TENM2: variants seen among roughly 807,000 people sequenced by gnomAD.
TENM2 encodes the protein teneurin-2.
A neutral mutation model predicts 245.2 loss-of-function variants in TENM2; 52 were observed. That is an observed-to-expected ratio of 0.21 (90% confidence interval 0.17 to 0.27). The LOEUF (loss-of-function observed/expected upper bound fraction) is 0.27, where lower values mean the gene tolerates loss of function less well. TENM2 is among the 10% of genes least tolerant of loss of function. The pLI is 1.00. For missense variants in TENM2, 3,046 were observed against 3,666.8 expected (o/e 0.83, Z 4.37); for synonymous variants, 1,363 against 1,438.9 (o/e 0.95, Z 1.19).
At chr5:168,119,666 A>T (rs892357420) in intron 10 of TENM2, among the ~76,000 whole-genome samples, 1 of 152,062 alleles carries the variant, frequency 6.6e-6, no homozygotes, top group South Asian at 2.1e-4. Context: ...TGGCTTCATC[A>T]TTGTCTTCCA....
At chr5:167,725,450 C>T (rs866260405) in intron 2 of TENM2, among the ~76,000 whole-genome samples, 102 of 152,308 alleles carry the variant, frequency 6.7e-4, no homozygotes, top group Middle Eastern at 6.8e-3. Flanking sequence ...TCTCCTAGCA[C>T]TGACTTACTG....
At chr5:167,206,037 A>G in the TENM2 span, among the ~76,000 whole-genome samples, 1 of 152,214 alleles carries the variant, frequency 6.6e-6, no homozygotes, top group African/African-American at 2.4e-5. Flanking sequence ...CGGTCAAATG[A>G]TTAGTCATCT....
rs542579540 is a variant in TENM2, at chr5:168,252,537, A to T, written c.7432+4166A>T. Among the ~76,000 whole-genome samples the T allele has an allele frequency of 4.0e-5, 6 of 151,856 alleles. No homozygotes were observed. In the South Asian group the frequency reaches 1.2e-3, roughly 32 times the overall value. On this transcript the variant is annotated intron_variant, in intron 27 of 28. Transcript: ENST00000518659. ...CAGTTCTCTCTCATATTAGAACCTG[A>T]GTCCATCTCAAGACACCACTTCTTG...
chr5:168,118,144 A>T (rs1017565764), intron 9 of TENM2, 148 bp from the exon 12 acceptor site: 2 of 513,070 alleles, frequency 3.9e-6, no homozygotes, highest in Non-Finnish European at 3.4e-6. Context: ...TTTATCTGGC[A>T]ATGGTTCTGC....
intron 23 of TENM2, among the ~76,000 whole-genome samples, chr5:168,225,413 G>A (rs1228979609): frequency 6.6e-6 from 1 of 152,170 alleles, no homozygotes; most frequent in Non-Finnish European, 1.5e-5. Context: ...CTGACATGGT[G>A]AAACTGCTAT....
chr5:167,350,997 TTATATACATATGGATATATATATATGGGA>T (rs1561884155), intron 1 of TENM2, among the ~76,000 whole-genome samples: 3 of 56,146 alleles, frequency 5.3e-5, no homozygotes, highest in African/African-American at 5.1e-5. Context: ...TATATATGGA[TTATATACATATGGATATATATATATGGGA>T]TATATACATA....
chr5:168,138,890 C>T (rs1755293677), intron 12 of TENM2, among the ~76,000 whole-genome samples: 1 of 152,188 alleles, frequency 6.6e-6, no homozygotes, highest in South Asian at 2.1e-4. Flanking sequence ...GTGTGAATAT[C>T]ACCGAGGCAG....
At chr5:167,562,156 C>T (rs558867390) in intron 2 of TENM2, among the ~76,000 whole-genome samples, 10 of 152,252 alleles carry the variant, frequency 6.6e-5, no homozygotes, top group Admixed American at 1.3e-4. Flanking sequence ...TCAGCAGGAG[C>T]GTGAGGCTGC....
chr5:168,178,932 C>T (rs1020524186), intron 13 of TENM2, among the ~76,000 whole-genome samples: 2 of 152,034 alleles, frequency 1.3e-5, no homozygotes, highest in Admixed American at 1.3e-4. Context: ...ATCAGGAGTT[C>T]AAGACCAGGC....
At chr5:168,261,307 G>A (rs760412307) in intron 28 of TENM2, among the ~76,000 whole-genome samples, 15 of 152,174 alleles carry the variant, frequency 9.9e-5, no homozygotes, top group South Asian at 2.1e-4. Context: ...GAACCAGGGC[G>A]AGGATCCAAA....
At chr5:167,692,980 G>A (rs561138780) in intron 2 of TENM2, among the ~76,000 whole-genome samples, 20 of 152,296 alleles carry the variant, frequency 1.3e-4, no homozygotes, top group Admixed American at 4.6e-4. Flanking sequence ...CTGAGAGCCC[G>A]AGCTTTAGAG....
At chr5:168,123,170 G>T (rs144902827) in intron 10 of TENM2, among the ~76,000 whole-genome samples, 1 of 152,102 alleles carries the variant, frequency 6.6e-6, no homozygotes, top group Non-Finnish European at 1.5e-5. Flanking sequence ...ATGGCAATGT[G>T]TGTCCGTGGT....
the TENM2 span, among the ~76,000 whole-genome samples, chr5:167,139,116 A>G: frequency 6.6e-6 from 1 of 152,222 alleles, no homozygotes; most frequent in Non-Finnish European, 1.5e-5. Context: ...CTTGGTCACA[A>G]TTGCCACATC....
intron 2 of TENM2, among the ~76,000 whole-genome samples, chr5:167,524,395 C>A (rs1770969589): frequency 6.6e-6 from 1 of 152,046 alleles, no homozygotes; most frequent in African/African-American, 2.4e-5. Flanking sequence ...CAGTGAACAC[C>A]TAATAAGCAT....
At chr5:167,910,410 G>C (rs1241601157) in intron 3 of TENM2, among the ~76,000 whole-genome samples, 5 of 151,878 alleles carry the variant, frequency 3.3e-5, no homozygotes, top group Non-Finnish European at 7.4e-5. Context: ...TAGTATAATT[G>C]CCTCTTCAAA....
At chr5:167,878,358 T>A (rs1773596995) in intron 3 of TENM2, among the ~76,000 whole-genome samples, 1 of 152,196 alleles carries the variant, frequency 6.6e-6, no homozygotes, top group South Asian at 2.1e-4. Context: ...ACAGAAAATT[T>A]AAGGGTCCAT....
intron 2 of TENM2, among the ~76,000 whole-genome samples, chr5:167,746,572 A>G (rs1455272334): frequency 6.6e-6 from 1 of 151,986 alleles, no homozygotes; most frequent in East Asian, 1.9e-4. Context: ...GAGAGCTTCA[A>G]TTATTTAAGA....
chr5:167,536,298 C>T (rs1190584162), intron 2 of TENM2, among the ~76,000 whole-genome samples: 1 of 151,496 alleles, frequency 6.6e-6, no homozygotes, highest in African/African-American at 2.4e-5. Context: ...AAAAAAAAGA[C>T]CCAAAGGGTG....
At chr5:167,062,904 C>A in the TENM2 span, among the ~76,000 whole-genome samples, 1 of 152,130 alleles carries the variant, frequency 6.6e-6, no homozygotes, top group Non-Finnish European at 1.5e-5. Flanking sequence ...AGTATTAGTA[C>A]AGGAAGGATA....
Sources: allele counts gnomAD v4.1 joint callset (sites outside exome capture counted in the v4.1 genomes callset), GRCh38; gene constraint gnomAD v4.1.1; transcripts MANE v1.5; gene names NCBI Gene and HGNC (gene_info 2026-07-23, HGNC 2026-07-21).